Variants in NHS observed in about 807,000 individuals in gnomAD.
NHS encodes actin remodeling regulator NHS.
NHS carries 5 observed loss-of-function variants against 72.5 expected under a neutral mutation model. The observed-to-expected ratio is 0.07, with a 90% confidence interval of 0.04 to 0.14. The LOEUF is 0.14. NHS is among the 10% of genes least tolerant of loss of function. The pLI is 1.00. For synonymous variants in NHS, 464 were observed against 547.7 expected, an observed-to-expected ratio of 0.85 and a Z score of 2.13; for missense variants, 1,072 against 1,355.7, an observed-to-expected ratio of 0.79 and a Z score of 3.29.
At chrX:17,456,601 G>C (rs972765644) in intron 1 of NHS, among the ~76,000 whole-genome samples, 2 of 112,343 alleles carry the variant, frequency 1.8e-5, no homozygotes, top group African/African-American at 6.5e-5. Flanking sequence ...TGAGCGCCGC[G>C]TTAAGACCTT....
At chrX:17,474,697 C>G (rs935119683) in intron 1 of NHS, among the ~76,000 whole-genome samples, 5 of 111,986 alleles carry the variant, frequency 4.5e-5, no homozygotes, top group African/African-American at 1.6e-4. Flanking sequence ...AGGTAGGGGG[C>G]AGGAGCTTGG....
intron 1 of NHS, among the ~76,000 whole-genome samples, chrX:17,464,944 A>G (rs1340263603): frequency 1.8e-5 from 2 of 112,245 alleles, no homozygotes; most frequent in Non-Finnish European, 3.8e-5. Flanking sequence ...TGCCAAACCA[A>G]GGCGGGCATG....
intron 1 of NHS, among the ~76,000 whole-genome samples, chrX:17,385,901 C>G (rs1214645359): frequency 8.9e-6 from 1 of 111,935 alleles, no homozygotes; most frequent in Non-Finnish European, 1.9e-5. Context: ...ATCTTGGAAT[C>G]ATAGAGTTGG....
chrX:17,517,675 C>T (rs930501248), intron 1 of NHS, among the ~76,000 whole-genome samples: 1 of 111,641 alleles, frequency 9.0e-6, no homozygotes, highest in South Asian at 3.8e-4. Context: ...AATGGGCCCT[C>T]ACTCTTTTGG....
intron 3 of NHS, among the ~76,000 whole-genome samples, chrX:17,712,288 T>TAC (rs1398803769): frequency 0.011 from 799 of 74,039 alleles, 7 homozygotes; most frequent in Non-Finnish European, 0.014. Flanking sequence ...TATATATATA[T>TAC]ATACACACAC....
intron 1 of NHS, among the ~76,000 whole-genome samples, chrX:17,593,342 T>C (rs952738906): frequency 1.8e-5 from 2 of 110,871 alleles, no homozygotes; most frequent in Non-Finnish European, 3.8e-5. Context: ...TTATTATTAA[T>C]ATAGTAAGCA....
chrX:17,640,943 G>C (rs1471697108), intron 1 of NHS, among the ~76,000 whole-genome samples: 2 of 111,990 alleles, frequency 1.8e-5, no homozygotes, highest in Non-Finnish European at 3.8e-5. Flanking sequence ...TGGGTTTCTA[G>C]TGCTTTCCAC....
At chrX:17,447,047 G>A (rs761409217) in intron 1 of NHS, among the ~76,000 whole-genome samples, 4 of 112,063 alleles carry the variant, frequency 3.6e-5, no homozygotes, top group African/African-American at 9.7e-5. Context: ...CCTAAATGGC[G>A]CATTTGACTG....
At chrX:17,719,451 T>C (rs1284105229) in intron 4 of NHS, 45 bp downstream of exon 4, 1 of 936,806 alleles carries the variant, frequency 1.1e-6, no homozygotes, top group Non-Finnish European at 1.4e-6. Context: ...TCCCACTCTG[T>C]CCAGACACTC....
In NHS at chrX:17,554,834, CT is replaced by C. The variant is rs1170480532; in HGVS notation, c.566-132900del. Among the ~76,000 whole-genome samples, 12 of 104,091 alleles carry C rather than the reference CT, an allele frequency of 1.2e-4. No individual in the cohort carries two copies. The East Asian group carries it at 2.6e-3, about 22-fold the overall frequency. The allele number at this position is 104,091 out of a possible 115,157, so 90.4% of individuals were successfully genotyped here. A position where few individuals can be genotyped will look rare whatever the true frequency, so the allele number is the denominator to read the frequency against. On this transcript the variant is annotated intron_variant, in intron 1 of 8. Transcript: ENST00000676302. The stretch of plus-strand genomic sequence containing the variant: ...CAGTACTGTCAGGAATGGCTGTTTT[CT>C]TTTTTTTCTTTTTTTTTCTTTTTTA...
intron 1 of NHS, among the ~76,000 whole-genome samples, chrX:17,378,431 T>G (rs764169572): frequency 1.8e-5 from 2 of 112,442 alleles, no homozygotes; most frequent in Non-Finnish European, 3.7e-5. Flanking sequence ...TGTCCAGATC[T>G]CTCTCTTCTC....
rs768063132 is a variant in NHS, at chrX:17,687,738, G to A, written c.566-4G>A. ...TGGACAACGCCCTGTTTCTTGTCTTGCAGCCGTCTCCAACCTGGACATAGA... is the reference window on the plus strand; with the variant it reads ...TGGACAACGCCCTGTTTCTTGTCTTACAGCCGTCTCCAACCTGGACATAGA... On this transcript the variant is annotated splice_region_variant and splice_polypyrimidine_tract_variant and intron_variant, in intron 1 of 8. Transcript: ENST00000676302. 8.3e-7 allele frequency: 1 copy of A among 1,211,397 alleles called. No individual in the cohort carries two copies. The highest frequency in any genetic ancestry group is 1.8e-5 in the South Asian group (1 of 56,966).
chrX:17,619,855 A>G (rs1432646884), intron 1 of NHS, among the ~76,000 whole-genome samples: 2 of 111,230 alleles, frequency 1.8e-5, no homozygotes, highest in Admixed American at 9.5e-5. Context: ...TGTTCTTGCC[A>G]CTGCCCATGC....
intron 1 of NHS, among the ~76,000 whole-genome samples, chrX:17,656,795 CAG>C (rs2065959036): frequency 1.8e-5 from 2 of 111,878 alleles, no homozygotes; most frequent in South Asian, 7.6e-4. Flanking sequence ...GGGTTTCCTG[CAG>C]GGGGAATGAG....
At chrX:17,376,421 C>T (rs938778837) in intron 1 of NHS, 99 bp downstream of exon 1, 1 of 788,711 alleles carries the variant, frequency 1.3e-6, no homozygotes, top group Admixed American at 2.7e-5. Context: ...GGCGCCGCTC[C>T]GGTTGCAGCT....
rs186679216 is a variant in NHS at position 17,658,513 on chromosome X, T to G, written c.566-29229T>G. Among the ~76,000 whole-genome samples, 5 of 111,866 alleles carry G rather than the reference T, an allele frequency of 4.5e-5. No homozygotes were observed. The Admixed American group carries it at 4.7e-4, about 11-fold the overall frequency. On this transcript the variant is annotated intron_variant, in intron 1 of 8. Coordinates refer to ENST00000676302, the MANE Select transcript of NHS (RefSeq NM_001291867.2). ...TATAATCACTGGGCAACTATTAAGATAGAGATCGTGACTGGGGGGAAGGAA... is the reference window on the plus strand; with the variant it reads ...TATAATCACTGGGCAACTATTAAGAGAGAGATCGTGACTGGGGGGAAGGAA...
At chrX:17,394,063 T>G (rs2064460021) in intron 1 of NHS, among the ~76,000 whole-genome samples, 1 of 111,207 alleles carries the variant, frequency 9.0e-6, no homozygotes, top group African/African-American at 3.3e-5. Flanking sequence ...GAAATGACCA[T>G]GATTGGAGAA....
At chrX:17,565,540 C>T (rs2065438815) in intron 1 of NHS, among the ~76,000 whole-genome samples, 2 of 112,214 alleles carry the variant, frequency 1.8e-5, no homozygotes, top group South Asian at 3.6e-4. Context: ...GAGCAGTGAA[C>T]CCATGCTCCC....
At chrX:17,393,334 T>C (rs1343520953) in intron 1 of NHS, among the ~76,000 whole-genome samples, 3 of 112,245 alleles carry the variant, frequency 2.7e-5, no homozygotes, top group Non-Finnish European at 5.6e-5. Context: ...ATGTAAAAGA[T>C]TATCACTGAT....
Sources: gnomAD v4.1 joint callset for allele counts (sites outside exome capture counted in the v4.1 genomes callset) on GRCh38, gnomAD v4.1.1 for gene constraint, MANE v1.5 for transcripts, NCBI Gene and HGNC (gene_info 2026-07-23, HGNC 2026-07-21) for gene names.